Variants in CNTNAP2 observed in about 807,000 individuals in gnomAD.
CNTNAP2 encodes the protein contactin-associated protein-like 2.
In CNTNAP2, 98 loss-of-function variants were observed where a neutral mutation model predicts 155.2. That is an observed-to-expected ratio of 0.63 (90% CI 0.54 to 0.75). The LOEUF (loss-of-function observed/expected upper bound fraction) is 0.75, where lower values mean the gene tolerates loss of function less well. Ranked by LOEUF, CNTNAP2 falls within the 30% of genes least tolerant of loss-of-function variation. CNTNAP2 has a pLI of 0.00. For missense variants in CNTNAP2, 1,727 were observed against 1,688.1 expected, an observed-to-expected ratio of 1.02 and a Z score of -0.40; for synonymous variants, 651 against 631.2, an observed-to-expected ratio of 1.03 and a Z score of -0.47.
At chr7:146,245,934 G>A (rs2116934489) in intron 1 of CNTNAP2, among the ~76,000 whole-genome samples, 1 of 119,980 alleles carries the variant, frequency 8.3e-6, no homozygotes, top group Admixed American at 7.1e-5. Context: ...ATAGGGTTTG[G>A]CACCATGAGG....
At chr7:148,216,246 A>C (rs2116755198) in intron 18 of CNTNAP2, among the ~76,000 whole-genome samples, 1 of 152,342 alleles carries the variant, frequency 6.6e-6, no homozygotes, top group Admixed American at 6.5e-5. Flanking sequence ...AGGCTGATGC[A>C]GGAAGGGTTT....
chr7:146,224,574 C>T (rs551193302), intron 1 of CNTNAP2, among the ~76,000 whole-genome samples: 6 of 120,170 alleles, frequency 5.0e-5, no homozygotes, highest in African/African-American at 1.2e-4. Flanking sequence ...GGGGAAACCC[C>T]GTCTCTACAA....
At chr7:146,320,849 G>A (rs1442850676) in intron 1 of CNTNAP2, among the ~76,000 whole-genome samples, 2 of 151,798 alleles carry the variant, frequency 1.3e-5, no homozygotes, top group Non-Finnish European at 2.9e-5. Flanking sequence ...TGATTTCCAA[G>A]GAACAGGGAA....
chr7:146,151,076 T>G (rs1353073082), intron 1 of CNTNAP2, among the ~76,000 whole-genome samples: 1 of 151,932 alleles, frequency 6.6e-6, no homozygotes, highest in Non-Finnish European at 1.5e-5. Context: ...AATCTACCAT[T>G]TGTAAAACCA....
intron 1 of CNTNAP2, among the ~76,000 whole-genome samples, chr7:146,352,856 G>A (rs894242482): frequency 6.3e-5 from 9 of 141,940 alleles, no homozygotes; most frequent in East Asian, 2.2e-4. Flanking sequence ...CCGGGTTCAC[G>A]CCATTCTCCT....
intron 3 of CNTNAP2, among the ~76,000 whole-genome samples, chr7:146,906,744 C>A (rs957989338): frequency 6.6e-6 from 1 of 152,160 alleles, no homozygotes. Context: ...ACGCAGAACA[C>A]CTCTCCTCCT....
At chr7:147,870,511 C>T (rs1799308254) in intron 13 of CNTNAP2, among the ~76,000 whole-genome samples, 1 of 152,168 alleles carries the variant, frequency 6.6e-6, no homozygotes, top group South Asian at 2.1e-4. Context: ...CACACTCCTG[C>T]ACCAGGAAGT....
At chr7:146,584,201 CA>C (rs1194203405) in intron 1 of CNTNAP2, among the ~76,000 whole-genome samples, 2 of 152,090 alleles carry the variant, frequency 1.3e-5, no homozygotes, top group African/African-American at 4.8e-5. Context: ...GGAAAACAAA[CA>C]AACAAACAAC....
At chr7:147,921,111 C>CT (rs1423794335) in intron 14 of CNTNAP2, among the ~76,000 whole-genome samples, 1,704 of 150,308 alleles carry the variant, frequency 0.011, 34 homozygotes, top group African/African-American at 0.036. Flanking sequence ...GCCCTGCCTC[C>CT]TTTTTTTTTT....
intron 13 of CNTNAP2, among the ~76,000 whole-genome samples, chr7:147,676,115 TCTTTC>T (rs1320538126): frequency 6.6e-6 from 1 of 151,680 alleles, no homozygotes; most frequent in Non-Finnish European, 1.5e-5. Flanking sequence ...ATAGAGTTCT[TCTTTC>T]CTTTTATGCA....
At chr7:146,643,860 T>C (rs1374670374) in intron 1 of CNTNAP2, among the ~76,000 whole-genome samples, 1 of 151,556 alleles carries the variant, frequency 6.6e-6, no homozygotes, top group Non-Finnish European at 1.5e-5. Flanking sequence ...GTAGTTCTCC[T>C]TGAAGAGGTC....
chr7:146,793,358 T>C (rs1802707816), intron 2 of CNTNAP2, among the ~76,000 whole-genome samples: 1 of 152,206 alleles, frequency 6.6e-6, no homozygotes, highest in African/African-American at 2.4e-5. Context: ...CTCAGGCATG[T>C]GTTAGTCCTT....
intron 1 of CNTNAP2, among the ~76,000 whole-genome samples, chr7:146,450,963 T>TTATTTATC (rs1796470944): frequency 6.6e-6 from 1 of 152,086 alleles, no homozygotes; most frequent in African/African-American, 2.4e-5. Flanking sequence ...ATTTATTTAT[T>TTATTTATC]TGAGACGGAG....
chr7:146,404,622 A>T (rs1424826009), intron 1 of CNTNAP2, among the ~76,000 whole-genome samples: 1 of 152,160 alleles, frequency 6.6e-6, no homozygotes, highest in Non-Finnish European at 1.5e-5. Flanking sequence ...AATAAAAACC[A>T]TTCTGGAGTA....
intron 12 of CNTNAP2, among the ~76,000 whole-genome samples, chr7:147,572,168 C>T (rs1487320287): frequency 1.3e-5 from 2 of 149,274 alleles, no homozygotes; most frequent in Admixed American, 1.3e-4. Flanking sequence ...CTCCCAAAGA[C>T]TCCCTTCTGG....
intron 12 of CNTNAP2, among the ~76,000 whole-genome samples, chr7:147,566,908 G>C (rs1489242921): frequency 6.6e-6 from 1 of 152,124 alleles, no homozygotes; most frequent in African/African-American, 2.4e-5. Context: ...AGAGCATTTG[G>C]GGGGCAAACA....
chr7:146,200,702 A>G (rs993964419), intron 1 of CNTNAP2, among the ~76,000 whole-genome samples: 4 of 152,192 alleles, frequency 2.6e-5, no homozygotes, highest in Admixed American at 6.5e-5. Flanking sequence ...CTAGGTGTCT[A>G]GTAGATTATG....
At chr7:147,799,282 G>A (rs1797950812) in intron 13 of CNTNAP2, among the ~76,000 whole-genome samples, 1 of 152,012 alleles carries the variant, frequency 6.6e-6, no homozygotes, top group Non-Finnish European at 1.5e-5. Flanking sequence ...TTCTTTTTGG[G>A]TAAAAGATGA....
chr7:146,952,603 C>A (rs1225778459), intron 3 of CNTNAP2, among the ~76,000 whole-genome samples: 1 of 151,996 alleles, frequency 6.6e-6, no homozygotes, highest in Non-Finnish European at 1.5e-5. Context: ...AATCAATGTG[C>A]AAAAATCACA....
Sources: gnomAD v4.1 joint callset for allele counts (sites outside exome capture counted in the v4.1 genomes callset) on GRCh38, gnomAD v4.1.1 for gene constraint, MANE v1.5 for transcripts, NCBI Gene and HGNC (gene_info 2026-07-23, HGNC 2026-07-21) for gene names.